COL26A1: variants seen among roughly 807,000 people sequenced by gnomAD.
COL26A1 encodes collagen alpha-1(XXVI) chain.
A neutral mutation model predicts 59.3 loss-of-function variants in COL26A1; 41 were observed. The ratio of observed to expected loss-of-function variants is 0.69; its 90% CI spans 0.54 to 0.90. COL26A1 has a LOEUF of 0.90. Among genes scored for constraint, COL26A1 ranks in the 40% least tolerant of loss-of-function variants. The pLI is 0.00. For synonymous variants in COL26A1, 266 were observed against 256.0 expected, an observed-to-expected ratio of 1.04 and a Z score of -0.37; for missense variants, 612 against 602.3, an observed-to-expected ratio of 1.02 and a Z score of -0.17.
At chr7:101,462,920 G>A (rs144453255) in intron 3 of COL26A1, among the ~76,000 whole-genome samples, 8 of 152,236 alleles carry the variant, frequency 5.3e-5, no homozygotes, top group South Asian at 2.1e-4. Context: ...TGATGGGGCC[G>A]GGACACTTCG....
chr7:101,549,269 G>A, intron 9 of COL26A1, 46 bp downstream of exon 9: 1 of 1,425,648 alleles, frequency 7.0e-7, no homozygotes, highest in Non-Finnish European at 9.8e-7. Context: ...GCGGCGGGTG[G>A]CGGGTGGCCT....
intron 3 of COL26A1, among the ~76,000 whole-genome samples, chr7:101,465,691 C>CAAAAAAAAA (rs539721605): frequency 9.7e-6 from 1 of 102,664 alleles, no homozygotes; most frequent in Non-Finnish European, 2.0e-5. Flanking sequence ...GAAACTGTCT[C>CAAAAAAAAA]AAAAAAAAAA....
chr7:101,385,227 C>CTATATATATAT (rs1375842083), intron 1 of COL26A1, among the ~76,000 whole-genome samples: 16 of 139,400 alleles, frequency 1.1e-4, no homozygotes, highest in African/African-American at 4.0e-4. Flanking sequence ...CACACACACA[C>CTATATATATAT]ACACTATATA....
In COL26A1 at chr7:101,540,039, G is replaced by A. The variant is rs763064174; in HGVS notation, c.594G>A (p.Thr198=). ...AHPVPRQRRP[T]GPAGPPGQTG... The stretch of plus-strand genomic sequence containing the variant: ...CTGTGCCACGACAGAGAAGGCCCAC[G>A]GGCCCAGCCGGTGAGTGAGGGCTGC... Residue 198 remains threonine, a synonymous_variant, in exon 5 of 13, where the codon ACG becomes ACA. Coordinates refer to ENST00000313669, the MANE Select transcript of COL26A1 (RefSeq NM_001278563.3). 16 of 1,612,020 alleles carry A rather than the reference G, an allele frequency of 9.9e-6. No homozygotes were observed. Among genetic ancestry groups the A allele is most frequent in the Admixed American group, 6.7e-5 (4 of 59,770 alleles).
chr7:101,548,543 C>T (rs937474916), intron 8 of COL26A1, among the ~76,000 whole-genome samples: 1 of 152,046 alleles, frequency 6.6e-6, no homozygotes, highest in African/African-American at 2.4e-5. Context: ...AGGTGATGCT[C>T]TGTGTCAGAC....
At chr7:101,477,333 C>A (rs953561275) in intron 3 of COL26A1, among the ~76,000 whole-genome samples, 1 of 151,984 alleles carries the variant, frequency 6.6e-6, no homozygotes, top group Admixed American at 6.6e-5. Context: ...CATGTTTGTG[C>A]GTGTTTGTGT....
intron 3 of COL26A1, among the ~76,000 whole-genome samples, chr7:101,503,392 A>T (rs1180930333): frequency 6.6e-6 from 1 of 152,072 alleles, no homozygotes; most frequent in East Asian, 1.9e-4. Context: ...ACAGGGCCTG[A>T]GTGTCGCCCT....
chr7:101,530,880 A>G (rs545559289), intron 3 of COL26A1, among the ~76,000 whole-genome samples: 18 of 152,048 alleles, frequency 1.2e-4, no homozygotes, highest in African/African-American at 4.3e-4. Context: ...TAGTATTTGC[A>G]TTGTTCATCT....
chr7:101,550,063 C>T (rs774240418), intron 9 of COL26A1, among the ~76,000 whole-genome samples: 10 of 152,172 alleles, frequency 6.6e-5, no homozygotes, highest in Non-Finnish European at 1.3e-4. Context: ...GCACAGTGGG[C>T]AGGGCCTTAT....
chr7:101,469,152 A>G (rs1268441541), intron 3 of COL26A1, among the ~76,000 whole-genome samples: 1 of 152,214 alleles, frequency 6.6e-6, no homozygotes, highest in African/African-American at 2.4e-5. Context: ...GGGCAGAGGA[A>G]TAGCTTTATG....
At chr7:101,498,485 G>C (rs184130320) in intron 3 of COL26A1, among the ~76,000 whole-genome samples, 1 of 152,160 alleles carries the variant, frequency 6.6e-6, no homozygotes, top group Non-Finnish European at 1.5e-5. Context: ...TGAGCACTGC[G>C]CAAGAATTGG....
chr7:101,465,691 CAAAA>C (rs539721605), intron 3 of COL26A1, among the ~76,000 whole-genome samples: 20 of 102,672 alleles, frequency 1.9e-4, no homozygotes, highest in East Asian at 1.1e-3. Flanking sequence ...GAAACTGTCT[CAAAA>C]AAAAAAAAAA....
At chr7:101,379,322 T>C (rs765442313) in intron 1 of COL26A1, among the ~76,000 whole-genome samples, 4 of 152,128 alleles carry the variant, frequency 2.6e-5, no homozygotes, top group Non-Finnish European at 5.9e-5. Context: ...TCTGAACATG[T>C]GTGTCTACCA....
intron 1 of COL26A1, among the ~76,000 whole-genome samples, chr7:101,382,384 G>GT (rs1264833291): frequency 1.3e-5 from 2 of 152,062 alleles, no homozygotes; most frequent in Admixed American, 6.6e-5. Flanking sequence ...ATTTAACTTA[G>GT]TTTTTTGCCC....
At chr7:101,550,736 G>T (rs572416616) in intron 9 of COL26A1, among the ~76,000 whole-genome samples, 1 of 152,230 alleles carries the variant, frequency 6.6e-6, no homozygotes, top group Admixed American at 6.5e-5. Context: ...CACGGGCCTG[G>T]GGCTCCCGGG....
intron 3 of COL26A1, among the ~76,000 whole-genome samples, chr7:101,515,353 C>T (rs35117628): frequency 1.3e-5 from 2 of 151,824 alleles, no homozygotes; most frequent in Admixed American, 6.6e-5. Context: ...GTGGCGCGAT[C>T]GGCTCGCTGC....
chr7:101,536,733 A>AT (rs747399139), intron 4 of COL26A1, among the ~76,000 whole-genome samples: 15 of 152,218 alleles, frequency 9.9e-5, no homozygotes, highest in Non-Finnish European at 1.6e-4. Context: ...CCATAAGGAC[A>AT]TTTATTGTTT....
rs181524099 is a variant in COL26A1, at chr7:101,557,591, G to A, written c.*61G>A. 235 of 1,502,236 alleles carry A rather than the reference G, an allele frequency of 1.6e-4. No individual in the cohort carries two copies. The African/African-American group carries it at 1.9e-3, about 12-fold the overall frequency. The allele number at this position is 1,502,236 out of a possible 1,614,324, so 93.1% of individuals were successfully genotyped here. A position where few individuals can be genotyped will look rare whatever the true frequency, so the allele number is the denominator to read the frequency against. On this transcript the variant is annotated 3_prime_UTR_variant, in exon 13 of 13. Transcript: ENST00000313669. ...AGACCCAGCCCCAGAGGCCTGAGCC[G>A]CCGCTGTTTCCTAAAGATGCCCCCA...
At chr7:101,459,451 C>A (rs1363185729) in intron 3 of COL26A1, among the ~76,000 whole-genome samples, 2 of 150,326 alleles carry the variant, frequency 1.3e-5, no homozygotes, top group Non-Finnish European at 2.9e-5. Context: ...AGGTGCCCAC[C>A]ACCACACCCG....
Sources: allele counts gnomAD v4.1 joint callset (sites outside exome capture counted in the v4.1 genomes callset), GRCh38; gene constraint gnomAD v4.1.1; transcripts MANE v1.5; gene names NCBI Gene and HGNC (gene_info 2026-07-23, HGNC 2026-07-21).